TCP11: variants seen among roughly 807,000 people sequenced by gnomAD.
TCP11 encodes the protein t-complex 11.
A neutral mutation model predicts 45.0 loss-of-function variants in TCP11; 34 were observed. The ratio of observed to expected loss-of-function variants is 0.76; its 90% CI spans 0.57 to 1.01. TCP11 has a LOEUF of 1.01. TCP11 is among the 50% of genes least tolerant of loss of function. The probability of loss-of-function intolerance (pLI) is 0.00; values close to 1 mark genes in which losing one functional copy is unlikely to be tolerated. For missense variants in TCP11, 523 were observed against 598.1 expected (o/e 0.87, Z 1.31); for synonymous variants, 227 against 227.0 (o/e 1.00, Z 0.00).
At chr6:35,130,722 T>C (rs1027644179) in intron 3 of TCP11, among the ~76,000 whole-genome samples, 15 of 152,214 alleles carry the variant, frequency 9.9e-5, no homozygotes, top group East Asian at 5.8e-4. Context: ...CACTAATGGC[T>C]GACCAGGATA....
chr6:35,118,771 A>G (rs41270052), intron 9 of TCP11, among the ~76,000 whole-genome samples: 169 of 152,384 alleles, frequency 1.1e-3, no homozygotes, highest in Non-Finnish European at 1.9e-3. Flanking sequence ...AGTGTTTGAC[A>G]TAACAGGAGG....
Position 35,141,228 on chromosome 6 carries a change from A to T in TCP11, c.-38T>A. ...ACCTCCTCCTCCCCCGCCGCGGGTC[A>T]TCCACTGGCGTCCGCTCGGTGGGCC... On this transcript the variant is annotated 5_prime_UTR_variant, in exon 1 of 10. An upstream start codon of the reference 5' UTR is lost. Coordinates refer to ENST00000311875, the MANE Select transcript of TCP11 (RefSeq NM_001370687.1). The T allele has an allele frequency of 7.1e-7, 1 of 1,402,428 alleles. No individual in the cohort carries two copies. The allele number at this position is 1,402,428 out of a possible 1,614,324, so 86.9% of individuals were successfully genotyped here.
chr6:35,129,142 A>T lies in TCP11; in HGVS notation c.277T>A (p.Trp93Arg). The T allele has an allele frequency of 6.2e-7, 1 of 1,614,114 alleles. No individual in the cohort carries two copies. The highest frequency in any genetic ancestry group is 1.3e-5 in the African/African-American group (1 of 75,054). The change falls in exon 4 of 10, where the codon TGG (tryptophan) becomes AGG (arginine). Residue 93 changes from tryptophan to arginine, a missense_variant. By Grantham distance (101) the Trp-to-Arg change is moderately radical. Coordinates refer to ENST00000311875, the MANE Select transcript of TCP11 (RefSeq NM_001370687.1). ...KVKETVHNAFWDHLKEQLSAT... is the reference protein window; with the variant it reads ...KVKETVHNAFRDHLKEQLSAT... ...GATAGTTGCTCTTTAAGATGGTCCC[A>T]AAAGGCATTGTGCACTGTCTCCTTG...
At chr6:35,140,017 T>C (rs1232568494) in intron 2 of TCP11, 4 of 1,614,066 alleles carry the variant, frequency 2.5e-6, no homozygotes, top group East Asian at 2.2e-5. Flanking sequence ...TTTTTCATCC[T>C]ACCTCAGGTT....
intron 4 of TCP11, among the ~76,000 whole-genome samples, chr6:35,126,682 A>G (rs2127658942): frequency 1.0e-5 from 1 of 95,848 alleles, no homozygotes; most frequent in African/African-American, 4.0e-5. Context: ...TTTTTGAGAC[A>G]GGGTTTTGCT....
rs1779144465 is a variant in TCP11, at chr6:35,120,726, T to C, written c.716-80A>G. On this transcript the variant is annotated intron_variant, in intron 6 of 9. Transcript: ENST00000311875. This position sits in a 1 kb window ranked among gnomAD's most constrained non-coding sequence, Gnocchi z 4.9. The stretch of plus-strand genomic sequence containing the variant: ...TCAAGACCAAGGTTCTTTTCAAGTA[T>C]ACTCCTGGTCAATAAATAAATGCTT... 4 of 1,453,642 alleles carry C rather than the reference T, an allele frequency of 2.8e-6. No individual in the cohort carries two copies. In the South Asian group the frequency reaches 5.2e-5, roughly 19 times the overall value. 90.0% of individuals were successfully genotyped at this position (1,453,642 alleles called of 1,614,324 possible). A position where few individuals can be genotyped will look rare whatever the true frequency, so the allele number is the denominator to read the frequency against.
rs773869428 is a variant in TCP11 at position 35,118,438 on chromosome 6, T to C, written c.1343A>G (p.Asp448Gly). ...AATGAGAGTAAGGCCTCCAGGAAGG[T>C]CTAATAGAGACCGCTGCACACCAAG... Reference protein sequence around the residue: ...LVLGVQRSLLDLPGGLTLIEA... With the variant: ...LVLGVQRSLLGLPGGLTLIEA... Residue 448 changes from aspartate to glycine, a missense_variant, in exon 10 of 10, where the codon GAC (aspartate) becomes GGC (glycine). Around this residue, in one of 2 missense-constraint regions of TCP11, gnomAD observed 298 missense variants for 387.9 expected, o/e 0.77. Transcript: ENST00000311875. The C allele has an allele frequency of 1.1e-5, 18 of 1,613,912 alleles. No individual in the cohort carries two copies. The Admixed American group carries it at 1.8e-4, about 16-fold the overall frequency.
intron 3 of TCP11, among the ~76,000 whole-genome samples, chr6:35,133,787 T>C (rs1387179036): frequency 6.6e-6 from 1 of 150,886 alleles, no homozygotes; most frequent in African/African-American, 2.4e-5. Flanking sequence ...CGAGATTTCA[T>C]CTCAGAAAAA....
chr6:35,140,190 C>T lies in TCP11; in HGVS notation c.124+557G>A, dbSNP rs1159252074. The T allele has an allele frequency of 3.9e-6, 6 of 1,552,154 alleles. No individual in the cohort carries two copies. The East Asian group carries it at 9.6e-5, about 25-fold the overall frequency. On this transcript the variant is annotated intron_variant, in intron 2 of 9. Coordinates refer to ENST00000311875, the MANE Select transcript of TCP11 (RefSeq NM_001370687.1). ...GAATTTTATCTTGAGTTGTTGCACA[C>T]GGACAGCTCCTCAGTTTGATGACTA...
chr6:35,139,878 C>T (rs976822034), intron 2 of TCP11: 5 of 743,906 alleles, frequency 6.7e-6, no homozygotes, highest in Admixed American at 2.9e-5. Flanking sequence ...ACCAAGTCAA[C>T]CTAATACACA....
chr6:35,129,980 G>A (rs1055888698), intron 3 of TCP11, among the ~76,000 whole-genome samples: 1 of 151,778 alleles, frequency 6.6e-6, no homozygotes, highest in Admixed American at 6.6e-5. Context: ...TGGGGGTCCC[G>A]CTATGTTGCT....
intron 3 of TCP11, among the ~76,000 whole-genome samples, chr6:35,131,947 A>G (rs927920289): frequency 7.2e-5 from 11 of 152,270 alleles, no homozygotes; most frequent in African/African-American, 2.6e-4. Flanking sequence ...CCCTGCCTCT[A>G]GTCTTGTTCC....
chr6:35,129,596 C>T (rs1780183634), intron 3 of TCP11, among the ~76,000 whole-genome samples: 1 of 152,120 alleles, frequency 6.6e-6, no homozygotes, highest in African/African-American at 2.4e-5. Flanking sequence ...TTTGAAAATA[C>T]CAAAGGTCCA....
In TCP11 at chr6:35,121,942, G is replaced by A. The variant is rs917010004; in HGVS notation, c.578+175C>T. The stretch of plus-strand genomic sequence containing the variant: ...AAGCTAAGGATAACCAAAAGGCCCT[G>A]TGGGGCCATCTTTGGAAAAGAAGAG... On this transcript the variant is annotated intron_variant, in intron 5 of 9. Coordinates refer to ENST00000311875, the MANE Select transcript of TCP11 (RefSeq NM_001370687.1). 9.8e-5 allele frequency among the ~76,000 whole-genome samples: 15 copies of A among 152,308 alleles called. No individual in the cohort carries two copies. In the East Asian group the frequency reaches 2.9e-3, roughly 29 times the overall value.
At chr6:35,128,880 C>G in intron 4 of TCP11, 182 bp downstream of exon 4, 1 of 729,356 alleles carries the variant, frequency 1.4e-6, no homozygotes, top group Admixed American at 3.3e-5. Context: ...ATTTCTCCTA[C>G]TCTCTGTTAT....
At chr6:35,139,285 A>G (rs918397688) in intron 2 of TCP11, among the ~76,000 whole-genome samples, 2 of 152,162 alleles carry the variant, frequency 1.3e-5, no homozygotes, top group African/African-American at 4.8e-5. Flanking sequence ...GGGGAAATAC[A>G]GGGAGAGAGA....
At chr6:35,140,691 AC>A in intron 2 of TCP11, 55 bp downstream of exon 2, 12 of 1,032,256 alleles carry the variant, frequency 1.2e-5, no homozygotes, top group Middle Eastern at 2.4e-4. Context: ...GGGCCTGCGG[AC>A]CCCCCACACT....
At chr6:35,139,939 T>C in intron 2 of TCP11, 1 of 1,398,928 alleles carries the variant, frequency 7.1e-7, no homozygotes. Flanking sequence ...TTACTGAGAG[T>C]TGTTTTATAT....
chr6:35,130,680 T>C (rs1296441832), intron 3 of TCP11, among the ~76,000 whole-genome samples: 1 of 152,068 alleles, frequency 6.6e-6, no homozygotes. Flanking sequence ...ATATGACACC[T>C]ATTAGAATGG....
Sources: allele counts gnomAD v4.1 joint callset (sites outside exome capture counted in the v4.1 genomes callset), GRCh38; gene constraint gnomAD v4.1.1; regional missense constraint gnomAD v4.1.1; non-coding constraint Gnocchi (gnomAD v3.1); transcripts MANE v1.5; gene names NCBI Gene and HGNC (gene_info 2026-07-23, HGNC 2026-07-21).